MLLT10: variants seen among roughly 807,000 people sequenced by gnomAD.
MLLT10 encodes protein AF-10.
Under a neutral mutation model 129.1 loss-of-function variants are expected in MLLT10, and 30 were observed. The ratio of observed to expected loss-of-function variants is 0.23; its 90% CI spans 0.17 to 0.32. The LOEUF is 0.32. Among genes scored for constraint, MLLT10 ranks in the 10% least tolerant of loss-of-function variants. The probability of loss-of-function intolerance (pLI) is 1.00; values close to 1 mark genes in which losing one functional copy is unlikely to be tolerated. For missense variants in MLLT10, 1,119 were observed against 1,268.3 expected (o/e 0.88, Z 1.79); for synonymous variants, 490 against 446.4 (o/e 1.10, Z -1.23).
At chr10:21,625,096 G>A in intron 8 of MLLT10, 1 of 895,002 alleles carries the variant, frequency 1.1e-6, no homozygotes, top group South Asian at 1.5e-5. Flanking sequence ...TAGTAATCTG[G>A]AGGTTAGCCA....
intron 13 of MLLT10, among the ~76,000 whole-genome samples, chr10:21,710,273 T>C (rs2055948606): frequency 6.6e-6 from 1 of 152,202 alleles, no homozygotes. Context: ...AAAATACTTA[T>C]GGGGCCACAT....
At chr10:21,547,953 A>G (rs895912996) in intron 3 of MLLT10, among the ~76,000 whole-genome samples, 3 of 151,612 alleles carry the variant, frequency 2.0e-5, no homozygotes, top group African/African-American at 7.3e-5. Flanking sequence ...TTGTGGGTTC[A>G]TTTTTTTTAC....
At chr10:21,711,878 T>G (rs1337413412) in intron 13 of MLLT10, among the ~76,000 whole-genome samples, 1 of 152,240 alleles carries the variant, frequency 6.6e-6, no homozygotes, top group East Asian at 1.9e-4. Flanking sequence ...CCTAGCCTCC[T>G]GAGGATGTCT....
At chr10:21,555,012 G>A (rs2037696718) in intron 3 of MLLT10, among the ~76,000 whole-genome samples, 1 of 151,218 alleles carries the variant, frequency 6.6e-6, no homozygotes, top group African/African-American at 2.4e-5. Context: ...GTAGAGACGG[G>A]GTTTCACCAT....
chr10:21,656,876 G>T (rs552045043), intron 9 of MLLT10, among the ~76,000 whole-genome samples: 1 of 152,198 alleles, frequency 6.6e-6, no homozygotes, highest in Non-Finnish European at 1.5e-5. Flanking sequence ...TATGATTGGG[G>T]GATTTTGGTT....
chr10:21,738,676 C>A, intron 21 of MLLT10: 1 of 579,856 alleles, frequency 1.7e-6, no homozygotes, highest in Non-Finnish European at 2.2e-6. Flanking sequence ...CATTCTTCAT[C>A]TTAACGTCAC....
chr10:21,714,269 T>G (rs986932109), intron 14 of MLLT10, among the ~76,000 whole-genome samples: 5 of 152,158 alleles, frequency 3.3e-5, no homozygotes, highest in African/African-American at 1.2e-4. Flanking sequence ...GAGCAAGTTT[T>G]GGACTCTTGT....
At chr10:21,678,286 A>G (rs1308964845) in intron 11 of MLLT10, among the ~76,000 whole-genome samples, 2 of 151,836 alleles carry the variant, frequency 1.3e-5, no homozygotes, top group Admixed American at 1.3e-4. Flanking sequence ...TGTATTTTTA[A>G]TAGAGACAGG....
intron 2 of MLLT10, among the ~76,000 whole-genome samples, chr10:21,535,038 C>T (rs2130873911): frequency 6.7e-6 from 1 of 149,028 alleles, no homozygotes; most frequent in Non-Finnish European, 1.5e-5. Flanking sequence ...CGGCCGCCGC[C>T]TGCGCCTGGG....
chr10:21,546,471 C>G (rs958490836), intron 3 of MLLT10, among the ~76,000 whole-genome samples: 1 of 151,696 alleles, frequency 6.6e-6, no homozygotes, highest in Non-Finnish European at 1.5e-5. Flanking sequence ...GTGGTGTGAT[C>G]TCCGCTTACT....
At chr10:21,602,266 G>T (rs955068399) in intron 5 of MLLT10, among the ~76,000 whole-genome samples, 1 of 152,128 alleles carries the variant, frequency 6.6e-6, no homozygotes, top group Non-Finnish European at 1.5e-5. Context: ...GCTGCTGGTG[G>T]TTTATCCAGC....
At chr10:21,565,820 G>A (rs1298448039) in intron 3 of MLLT10, among the ~76,000 whole-genome samples, 1 of 151,268 alleles carries the variant, frequency 6.6e-6, no homozygotes, top group South Asian at 2.1e-4. Context: ...TGCCCAGCCT[G>A]GTCTCGAACT....
At chr10:21,642,086 C>T (rs1406072837) in intron 8 of MLLT10, among the ~76,000 whole-genome samples, 2 of 152,224 alleles carry the variant, frequency 1.3e-5, no homozygotes, top group African/African-American at 2.4e-5. Flanking sequence ...TGCAGTGGCT[C>T]ACGCCTGTAA....
intron 3 of MLLT10, among the ~76,000 whole-genome samples, chr10:21,573,585 G>GGTGT (rs966761748): frequency 2.4e-4 from 36 of 151,848 alleles, no homozygotes; most frequent in African/African-American, 8.2e-4. Flanking sequence ...TTGGTGTCAT[G>GGTGT]GTGTATTATT....
At chr10:21,564,216 T>G (rs150864998) in intron 3 of MLLT10, among the ~76,000 whole-genome samples, 2 of 152,278 alleles carry the variant, frequency 1.3e-5, no homozygotes, top group Admixed American at 1.3e-4. Context: ...TCCGCGTAGC[T>G]GGGACTATGG....
At chr10:21,641,915 T>G (rs528684592) in intron 8 of MLLT10, among the ~76,000 whole-genome samples, 127 of 152,324 alleles carry the variant, frequency 8.3e-4, no homozygotes, top group African/African-American at 3.0e-3. Flanking sequence ...GGCAGAGCAT[T>G]GTTGACTTTC....
chr10:21,634,946 T>C lies in MLLT10; in HGVS notation c.700-16727T>C, dbSNP rs567502456. On this transcript the variant is annotated intron_variant, in intron 8 of 22. Coordinates refer to ENST00000307729, the MANE Select transcript of MLLT10 (RefSeq NM_001195626.3). ...TAGTAAAACAGATGCTGTAGGCTTA[T>C]CTTGTCTTCTTTTCTGCCCCAGACC... Among the ~76,000 whole-genome samples the C allele has an allele frequency of 3.3e-5, 5 of 152,362 alleles. No individual in the cohort carries two copies. The East Asian group carries it at 7.7e-4, about 23-fold the overall frequency.
At chr10:21,536,345 G>T (rs781600897) in intron 2 of MLLT10, among the ~76,000 whole-genome samples, 7 of 152,032 alleles carry the variant, frequency 4.6e-5, no homozygotes, top group African/African-American at 9.7e-5. Context: ...CATGTTCATT[G>T]GCATTTTGAA....
intron 9 of MLLT10, among the ~76,000 whole-genome samples, chr10:21,657,768 A>G (rs1445200824): frequency 6.6e-6 from 1 of 152,184 alleles, no homozygotes; most frequent in East Asian, 1.9e-4. Flanking sequence ...AAAGAGGATA[A>G]AGGAGAACCT....
Sources: gnomAD v4.1 joint callset for allele counts (sites outside exome capture counted in the v4.1 genomes callset) on GRCh38, gnomAD v4.1.1 for gene constraint, MANE v1.5 for transcripts, NCBI Gene and HGNC (gene_info 2026-07-23, HGNC 2026-07-21) for gene names.